The following DRICH1 variants were observed in gnomAD, a reference collection of about 807,000 sequenced individuals.
DRICH1 encodes the protein aspartate rich 1, also known as aspartate-rich protein 1.
DRICH1 carries 38 observed loss-of-function variants against 39.5 expected under a neutral mutation model. The observed-to-expected ratio is 0.96, with a 90% confidence interval of 0.74 to 1.26. The LOEUF is 1.26. DRICH1 is among the 50% of genes most tolerant of loss of function. The probability of loss-of-function intolerance (pLI) is 0.00; values close to 1 mark genes in which losing one functional copy is unlikely to be tolerated. For missense variants in DRICH1, 279 were observed against 270.4 expected, an observed-to-expected ratio of 1.03 and a Z score of -0.22; for synonymous variants, 84 against 99.5, an observed-to-expected ratio of 0.84 and a Z score of 0.93.
At chr22:23,598,042 G>C in the DRICH1 span, among the ~76,000 whole-genome samples, 9 of 151,002 alleles carry the variant, frequency 6.0e-5, no homozygotes, top group African/African-American at 1.7e-4. Flanking sequence ...GGATTCCCAA[G>C]GTCAGCCAGC....
At chr22:23,604,113 C>T (rs1926609140), downstream of DRICH1, among the ~76,000 whole-genome samples, 3 of 152,126 alleles carry the variant, frequency 2.0e-5, no homozygotes, top group Non-Finnish European at 4.4e-5. Flanking sequence ...TGGATTCACA[C>T]CCCTGCCCAC....
chr22:23,609,652 GCCTTCTCCCAGCCAGGC>G (rs1926930391), intron 11 of DRICH1, among the ~76,000 whole-genome samples: 1 of 135,966 alleles, frequency 7.4e-6, no homozygotes, highest in Non-Finnish European at 1.5e-5. Flanking sequence ...CCAGAACCCT[GCCTTCTCCCAGCCAGGC>G]CCTTCCCTCC....
chr22:23,621,586 GGATCTTGCAA>G lies in DRICH1; in HGVS notation c.384+495_384+504del, dbSNP rs147268815. Among the ~76,000 whole-genome samples the G allele has an allele frequency of 8.0e-3, 1,223 of 152,132 alleles. 26 individuals are homozygous for G. The highest frequency in any genetic ancestry group is 0.077 in the East Asian group (399 of 5,150). On this transcript the variant is annotated intron_variant, in intron 4 of 11. Transcript: ENST00000317749. ...TGGGTGTGTCTGCCCATAAGGTACC[GGATCTTGCAA>G]GATCTTGCAAGACTGTCATTAAAAG...
downstream of DRICH1, among the ~76,000 whole-genome samples, chr22:23,607,744 C>T (rs1926817786): frequency 6.6e-6 from 1 of 152,156 alleles, no homozygotes; most frequent in South Asian, 2.1e-4. Context: ...AGTGGCTTTC[C>T]AGGAGAGAAC....
At chr22:23,585,981 G>C in the DRICH1 span, among the ~76,000 whole-genome samples, 1 of 152,314 alleles carries the variant, frequency 6.6e-6, no homozygotes, top group Admixed American at 6.5e-5. Context: ...TCTTTGAAGA[G>C]AATATGTACT....
At chr22:23,621,203 T>C (rs1927705218) in intron 4 of DRICH1, among the ~76,000 whole-genome samples, 1 of 152,046 alleles carries the variant, frequency 6.6e-6, no homozygotes, top group South Asian at 2.1e-4. Context: ...CAATGCCTGC[T>C]TGTTGGGCCC....
the DRICH1 span, among the ~76,000 whole-genome samples, chr22:23,590,278 A>ATTTTTTTTTTTT: frequency 7.3e-6 from 1 of 137,526 alleles, no homozygotes; most frequent in Admixed American, 7.4e-5. Context: ...CAGCCCTTTG[A>ATTTTTTTTTTTT]TTTTTTTTTT....
intron 3 of DRICH1, among the ~76,000 whole-genome samples, chr22:23,623,036 T>C (rs555555654): frequency 2.0e-5 from 3 of 152,342 alleles, no homozygotes; most frequent in East Asian, 3.9e-4. Flanking sequence ...AGGAAAAGCG[T>C]GATTTTTTGG....
At chr22:23,622,067 G>A (rs757241290) in intron 4 of DRICH1, 24 bp downstream of exon 4, 2 of 1,608,118 alleles carry the variant, frequency 1.2e-6, no homozygotes, top group South Asian at 2.2e-5. Context: ...CATTTCCTTA[G>A]AAGACAAAGA....
intron 4 of DRICH1, 125 bp downstream of exon 4, chr22:23,621,966 G>A (rs1408678750): frequency 1.2e-6 from 1 of 862,998 alleles, no homozygotes; most frequent in East Asian, 2.4e-5. Context: ...ACAAAGAAAG[G>A]AAAGAAAATC....
At chr22:23,593,848 C>T in the DRICH1 span, among the ~76,000 whole-genome samples, 1 of 151,838 alleles carries the variant, frequency 6.6e-6, no homozygotes, top group African/African-American at 2.4e-5. Context: ...CGTGGTGGCG[C>T]ATGCCTGTAA....
chr22:23,613,561 G>T, intron 10 of DRICH1, 78 bp downstream of exon 10: 2 of 1,150,664 alleles, frequency 1.7e-6, no homozygotes, highest in South Asian at 1.2e-5. Context: ...TTCCCAGCAG[G>T]ACCCCAGAAT....
At chr22:23,625,563 T>C (rs2123791782) in intron 2 of DRICH1, among the ~76,000 whole-genome samples, 1 of 152,304 alleles carries the variant, frequency 6.6e-6, no homozygotes, top group South Asian at 2.1e-4. Context: ...TAGCTCGCTT[T>C]GTCTGTTCTT....
chr22:23,589,626 C>G, the DRICH1 span, among the ~76,000 whole-genome samples: 2 of 152,056 alleles, frequency 1.3e-5, no homozygotes, highest in Non-Finnish European at 2.9e-5. Flanking sequence ...GAAAGTGTTA[C>G]TAGTGTTACG....
intron 6 of DRICH1, among the ~76,000 whole-genome samples, chr22:23,618,803 AT>A (rs1389567043): frequency 6.6e-6 from 1 of 152,156 alleles, no homozygotes; most frequent in Admixed American, 6.5e-5. Context: ...TACGGGGGTG[AT>A]TTTTGGTTAA....
the DRICH1 span, among the ~76,000 whole-genome samples, chr22:23,582,256 C>T: frequency 1.9e-4 from 27 of 145,890 alleles, no homozygotes; most frequent in Non-Finnish European, 3.1e-4. Flanking sequence ...GGTTTACAGG[C>T]GTGAGCCACC....
At chr22:23,594,606 T>A in the DRICH1 span, among the ~76,000 whole-genome samples, 2 of 152,238 alleles carry the variant, frequency 1.3e-5, no homozygotes, top group Non-Finnish European at 2.9e-5. Flanking sequence ...GGGAACAAGA[T>A]GTATGACAAG....
chr22:23,589,722 C>T, the DRICH1 span, among the ~76,000 whole-genome samples: 1 of 152,140 alleles, frequency 6.6e-6, no homozygotes, highest in Non-Finnish European at 1.5e-5. Flanking sequence ...CACATGGCCG[C>T]AGCTGGTGCT....
chr22:23,588,786 AT>A, the DRICH1 span, among the ~76,000 whole-genome samples: 2 of 151,828 alleles, frequency 1.3e-5, no homozygotes, highest in African/African-American at 4.8e-5. Flanking sequence ...GTATCTCACA[AT>A]TTTTTTTAGC....
Sources: allele counts gnomAD v4.1 joint callset (sites outside exome capture counted in the v4.1 genomes callset), GRCh38; gene constraint gnomAD v4.1.1; transcripts MANE v1.5; gene names NCBI Gene and HGNC (gene_info 2026-07-23, HGNC 2026-07-21).